Variants in VPS50 observed in about 807,000 individuals in gnomAD.
The protein encoded by VPS50 is syndetin.
Under a neutral mutation model 139.7 loss-of-function variants are expected in VPS50, and 70 were observed. That is an observed-to-expected ratio of 0.50 (90% confidence interval 0.41 to 0.61). The LOEUF is 0.61. Among genes scored for constraint, VPS50 ranks in the 20% least tolerant of loss-of-function variants. VPS50 has a pLI of 0.00. For synonymous variants in VPS50, 365 were observed against 376.7 expected (o/e 0.97, Z 0.36); for missense variants, 921 against 1,133.7 (o/e 0.81, Z 2.69).
chr7:93,302,183 A>G (rs539426160), intron 16 of VPS50, among the ~76,000 whole-genome samples: 3 of 152,026 alleles, frequency 2.0e-5, no homozygotes, highest in Non-Finnish European at 4.4e-5. Flanking sequence ...ACTTGAGGTA[A>G]TTTTTGTATG....
chr7:93,344,623 C>G (rs1272387775), intron 23 of VPS50, among the ~76,000 whole-genome samples: 4 of 151,776 alleles, frequency 2.6e-5, no homozygotes, highest in Admixed American at 2.0e-4. Flanking sequence ...GAAATTATAA[C>G]AAACTATCTC....
chr7:93,307,055 A>G (rs2116978346), intron 18 of VPS50, among the ~76,000 whole-genome samples: 2 of 152,028 alleles, frequency 1.3e-5, no homozygotes, highest in Middle Eastern at 3.4e-3. Context: ...GTGATTCATT[A>G]ATTAAAACTT....
At chr7:93,314,705 A>C (rs941249281) in intron 20 of VPS50, among the ~76,000 whole-genome samples, 3 of 152,178 alleles carry the variant, frequency 2.0e-5, no homozygotes, top group Non-Finnish European at 4.4e-5. Flanking sequence ...CACATGCATC[A>C]GTATTTAAAA....
chr7:93,267,215 A>G (rs1323081645), intron 9 of VPS50, among the ~76,000 whole-genome samples: 8 of 152,210 alleles, frequency 5.3e-5, no homozygotes, highest in African/African-American at 1.9e-4. Context: ...TGAATTACTC[A>G]TTATTCCACT....
At chr7:93,278,678 A>G (rs1796235027) in intron 12 of VPS50, among the ~76,000 whole-genome samples, 1 of 151,288 alleles carries the variant, frequency 6.6e-6, no homozygotes, top group South Asian at 2.1e-4. Context: ...TAAATAGCTT[A>G]TCCTTATCCT....
intron 23 of VPS50, among the ~76,000 whole-genome samples, chr7:93,343,029 T>A (rs1798271225): frequency 6.6e-6 from 1 of 152,092 alleles, no homozygotes; most frequent in African/African-American, 2.4e-5. Flanking sequence ...ATGATCAAAT[T>A]ACTCCGAGCT....
At chr7:93,254,699 G>A (rs1467512056) in intron 4 of VPS50, among the ~76,000 whole-genome samples, 1 of 152,044 alleles carries the variant, frequency 6.6e-6, no homozygotes, top group African/African-American at 2.4e-5. Flanking sequence ...AAAGTGATAG[G>A]CTTGCATTTT....
chr7:93,241,922 A>G (rs1043986581), intron 2 of VPS50, among the ~76,000 whole-genome samples: 8 of 152,068 alleles, frequency 5.3e-5, no homozygotes, highest in African/African-American at 1.9e-4. Context: ...AATTTGATGT[A>G]ATTGAAGAAG....
chr7:93,319,392 T>G (rs1425617297), intron 20 of VPS50, among the ~76,000 whole-genome samples: 2 of 152,192 alleles, frequency 1.3e-5, no homozygotes, highest in Non-Finnish European at 2.9e-5. Flanking sequence ...TGTGTATCTC[T>G]TCCCTATGGT....
intron 17 of VPS50, among the ~76,000 whole-genome samples, chr7:93,305,549 A>G (rs188259725): frequency 6.6e-5 from 10 of 152,022 alleles, no homozygotes; most frequent in African/African-American, 2.2e-4. Flanking sequence ...AAGCTATTTT[A>G]AAAAATGATC....
chr7:93,345,327 G>A (rs1798358628), intron 23 of VPS50, among the ~76,000 whole-genome samples: 1 of 152,144 alleles, frequency 6.6e-6, no homozygotes, highest in African/African-American at 2.4e-5. Flanking sequence ...TGAAATTGTG[G>A]CAATAATCAA....
intron 2 of VPS50, 84 bp from the exon 3 acceptor site, chr7:93,252,569 G>C (rs985563613): frequency 1.0e-4 from 95 of 948,074 alleles, no homozygotes; most frequent in Non-Finnish European, 1.4e-4. Flanking sequence ...AGATGTGACT[G>C]TTAAGACAAA....
intron 9 of VPS50, 154 bp from the exon 10 acceptor site, chr7:93,271,066 A>C (rs183741315): frequency 5.1e-6 from 6 of 1,183,402 alleles, no homozygotes; most frequent in Non-Finnish European, 6.6e-6. Flanking sequence ...ACTTTTTCTT[A>C]TTGCATTGTC....
At chr7:93,277,205 G>A (rs960098743) in intron 12 of VPS50, among the ~76,000 whole-genome samples, 12 of 152,162 alleles carry the variant, frequency 7.9e-5, no homozygotes, top group African/African-American at 2.7e-4. Context: ...AGATGGTGGT[G>A]TCACAACAGC....
At chr7:93,348,659 G>C in intron 23 of VPS50, 52 bp from the exon 24 acceptor site, 1 of 1,134,352 alleles carries the variant, frequency 8.8e-7, no homozygotes, top group Admixed American at 1.9e-5. Context: ...AGCATGACAG[G>C]CTCTAAATCC....
rs539989974 is a variant in VPS50 at position 93,346,053 on chromosome 7, C to T, written c.2208-2658C>T. 3.7e-3 allele frequency among the ~76,000 whole-genome samples: 570 copies of T among 152,230 alleles called. 5 individuals are homozygous for T. The highest frequency in any genetic ancestry group is 0.013 in the African/African-American group (545 of 41,542). ...AAGTCAAATTGTCCCTGTTTGCAGACGACATGATTGTATATCTACAAAACC... is the reference window on the plus strand; with the variant it reads ...AAGTCAAATTGTCCCTGTTTGCAGATGACATGATTGTATATCTACAAAACC... On this transcript the variant is annotated intron_variant, in intron 23 of 27. Coordinates refer to ENST00000305866, the MANE Select transcript of VPS50 (RefSeq NM_017667.4).
Position 93,302,119 on chromosome 7 carries a change from G to C in VPS50, c.1362-1341G>C, listed in dbSNP as rs117561124. Among the ~76,000 whole-genome samples, 654 of 152,228 alleles carry C rather than the reference G, an allele frequency of 4.3e-3. 4 individuals are homozygous for C. The highest frequency in any genetic ancestry group is 8.0e-3 in the Non-Finnish European group (546 of 67,992). On this transcript the variant is annotated intron_variant, in intron 16 of 27. Coordinates refer to ENST00000305866, the MANE Select transcript of VPS50 (RefSeq NM_017667.4). ...TTTTGAATTGGGTTATTTGTTTTCT[G>C]TTGTTGAGTTGTCAAGTTTTCTACT...
At chr7:93,353,906 T>C (rs1418326474) in intron 26 of VPS50, 145 bp downstream of exon 26, 1 of 625,426 alleles carries the variant, frequency 1.6e-6, no homozygotes. Context: ...GAAGAAACCT[T>C]AGACCCCACT....
chr7:93,256,620 A>G lies in VPS50; in HGVS notation c.351+58A>G, dbSNP rs747735425. On this transcript the variant is annotated intron_variant, in intron 5 of 27. Transcript: ENST00000305866. Reference sequence around the variant, plus strand: ...ATTTTTAAATGTTTGAGTGATTTACACTTGAAACTGTTAAAATATTGTATT... The same window carrying G: ...ATTTTTAAATGTTTGAGTGATTTACGCTTGAAACTGTTAAAATATTGTATT... 100 of 857,782 alleles carry G rather than the reference A, an allele frequency of 1.2e-4. 2 individuals are homozygous for G. Among genetic ancestry groups the G allele is most frequent in the Non-Finnish European group, 1.4e-4 (74 of 544,516 alleles). 53.1% of individuals were successfully genotyped at this position (857,782 alleles called of 1,614,324 possible). A position where few individuals can be genotyped will look rare whatever the true frequency, so the allele number is the denominator to read the frequency against.
Sources: allele counts gnomAD v4.1 joint callset (sites outside exome capture counted in the v4.1 genomes callset), GRCh38; gene constraint gnomAD v4.1.1; transcripts MANE v1.5; gene names NCBI Gene and HGNC (gene_info 2026-07-23, HGNC 2026-07-21).